The following RBM6 variants were observed in gnomAD, a reference collection of about 807,000 sequenced individuals.
RBM6 encodes the protein RNA-binding protein 6.
RBM6 carries 23 observed loss-of-function variants against 140.4 expected under a neutral mutation model. That is an observed-to-expected ratio of 0.16 (90% CI 0.12 to 0.23). RBM6 has a LOEUF of 0.23. Ranked by LOEUF, RBM6 falls within the 10% of genes least tolerant of loss-of-function variation. The pLI, the probability that RBM6 is intolerant of heterozygous loss-of-function variation, is 1.00. For synonymous variants in RBM6, 439 were observed against 475.6 expected (o/e 0.92, Z 1.00); for missense variants, 1,139 against 1,386.7 (o/e 0.82, Z 2.84).
At chr3:49,960,340 A>G (rs2084227701) in intron 1 of RBM6, among the ~76,000 whole-genome samples, 1 of 152,124 alleles carries the variant, frequency 6.6e-6, no homozygotes, top group Non-Finnish European at 1.5e-5. Flanking sequence ...TTCATTGGAT[A>G]TTTGCTTGTA....
chr3:50,003,583 T>C (rs2086442880), intron 6 of RBM6, among the ~76,000 whole-genome samples: 1 of 152,220 alleles, frequency 6.6e-6, no homozygotes, highest in African/African-American at 2.4e-5. Flanking sequence ...TTCTGCTAGC[T>C]TGCTTTGTCA....
intron 6 of RBM6, among the ~76,000 whole-genome samples, chr3:50,032,597 T>A (rs1361647572): frequency 6.6e-6 from 1 of 152,102 alleles, no homozygotes; most frequent in Non-Finnish European, 1.5e-5. Context: ...TCTTTCCGGT[T>A]ACAGAACTCG....
In RBM6 at chr3:49,982,262, C is replaced by CTTTTTTTTT. The variant is rs751604271; in HGVS notation, c.1483+6890_1483+6898dup. Among the ~76,000 whole-genome samples, 207 of 68,384 alleles carry CTTTTTTTTT rather than the reference C, an allele frequency of 3.0e-3. 7 individuals carry two copies. The highest frequency in any genetic ancestry group is 7.5e-3 in the African/African-American group (125 of 16,762). The allele number at this position is 68,384 out of a possible 152,430, so 44.9% of individuals were successfully genotyped here. Reference sequence around the variant, plus strand: ...GTACCTTCTGCATTTCTTTTCTTTTCTTTTTTTTTTTTTTTTTTTTTTTTT... The same window carrying CTTTTTTTTT: ...GTACCTTCTGCATTTCTTTTCTTTTCTTTTTTTTTTTTTTTTTTTTTTTTTTTTTTTTTT... On this transcript the variant is annotated intron_variant, in intron 5 of 20. Transcript: ENST00000266022.
At chr3:50,051,670 A>C (rs2089473822) in intron 7 of RBM6, among the ~76,000 whole-genome samples, 1 of 152,226 alleles carries the variant, frequency 6.6e-6, no homozygotes, top group African/African-American at 2.4e-5. Context: ...TTTTAAGTTT[A>C]TTATGTACCT....
At chr3:50,040,486 A>C (rs2088839399) in intron 6 of RBM6, among the ~76,000 whole-genome samples, 1 of 122,742 alleles carries the variant, frequency 8.1e-6, no homozygotes, top group Admixed American at 8.2e-5. Flanking sequence ...ATATATATAT[A>C]TATATATACA....
At chr3:50,073,794 C>A (rs2108958236) in intron 19 of RBM6, among the ~76,000 whole-genome samples, 1 of 151,798 alleles carries the variant, frequency 6.6e-6, no homozygotes, top group East Asian at 1.9e-4. Flanking sequence ...GGTTCAGAGA[C>A]ATGATTTAGC....
intron 6 of RBM6, among the ~76,000 whole-genome samples, chr3:50,030,286 TAAAAAAAA>T (rs57797585): frequency 3.9e-5 from 4 of 103,866 alleles, no homozygotes; most frequent in Admixed American, 1.1e-4. Context: ...CTTTTTGTCT[TAAAAAAAA>T]AAAAAAAAAA....
chr3:50,054,266 C>G, intron 7 of RBM6, 69 bp from the exon 8 acceptor site: 1 of 1,304,094 alleles, frequency 7.7e-7, no homozygotes, highest in Non-Finnish European at 1.1e-6. Context: ...TGGGGGGTTT[C>G]ACTTTGTTAG....
intron 3 of RBM6, among the ~76,000 whole-genome samples, chr3:49,969,701 G>A (rs911929922): frequency 3.3e-5 from 5 of 151,210 alleles, no homozygotes; most frequent in Non-Finnish European, 1.5e-5. Flanking sequence ...AGGCTCAAGC[G>A]ATCCTCCCAC....
At chr3:50,058,032 A>T (rs775912459) in intron 9 of RBM6, 29 bp downstream of exon 9, 67 of 1,604,230 alleles carry the variant, frequency 4.2e-5, no homozygotes, top group Non-Finnish European at 5.7e-5. Context: ...CACATACCAG[A>T]CTGTGATCAT....
chr3:49,994,920 A>G (rs930534793), intron 5 of RBM6, among the ~76,000 whole-genome samples: 17 of 152,184 alleles, frequency 1.1e-4, no homozygotes, highest in Non-Finnish European at 5.9e-5. Context: ...AACAGTTTGA[A>G]GATCCATCTC....
intron 6 of RBM6, among the ~76,000 whole-genome samples, chr3:50,040,660 CTT>C (rs746163790): frequency 1.2e-4 from 16 of 135,692 alleles, no homozygotes; most frequent in African/African-American, 8.1e-5. Context: ...GAGCAGAATT[CTT>C]TTTTTTTTTT....
chr3:49,943,314 T>TA (rs1266773520), intron 1 of RBM6, among the ~76,000 whole-genome samples: 14 of 151,910 alleles, frequency 9.2e-5, no homozygotes, highest in African/African-American at 3.4e-4. Context: ...TTTATTTATT[T>TA]TTTTTTGAGA....
chr3:50,057,613 A>T, intron 8 of RBM6, 115 bp from the exon 9 acceptor site: 2 of 584,946 alleles, frequency 3.4e-6, no homozygotes, highest in Admixed American at 3.5e-5. Flanking sequence ...AAAAAAAGGC[A>T]TTCCAGTATG....
intron 6 of RBM6, among the ~76,000 whole-genome samples, chr3:50,026,127 C>T (rs1248431978): frequency 6.6e-6 from 1 of 151,934 alleles, no homozygotes; most frequent in African/African-American, 2.4e-5. Flanking sequence ...CGCCGTCTTC[C>T]AGGCTGGAGT....
At chr3:49,963,654 AT>A (rs2084382060) in intron 2 of RBM6, among the ~76,000 whole-genome samples, 1 of 152,188 alleles carries the variant, frequency 6.6e-6, no homozygotes, top group Non-Finnish European at 1.5e-5. Context: ...AAGTGGTAGC[AT>A]TTAGTTGTAA....
At chr3:49,958,921 G>C (rs2084145702) in intron 1 of RBM6, among the ~76,000 whole-genome samples, 1 of 151,314 alleles carries the variant, frequency 6.6e-6, no homozygotes, top group South Asian at 2.1e-4. Context: ...TCAGCCTCCT[G>C]ACTAGCTGGG....
chr3:50,037,588 A>G (rs1045775766), intron 6 of RBM6, among the ~76,000 whole-genome samples: 1 of 152,192 alleles, frequency 6.6e-6, no homozygotes, highest in African/African-American at 2.4e-5. Flanking sequence ...AGGAAGCTCA[A>G]GTACTTGGGT....
At chr3:50,004,795 TAAC>T (rs1193783623) in intron 6 of RBM6, among the ~76,000 whole-genome samples, 2 of 152,118 alleles carry the variant, frequency 1.3e-5, no homozygotes, top group African/African-American at 4.8e-5. Context: ...ATTAAAAAAA[TAAC>T]AAACTCTGTT....
Sources: gnomAD v4.1 joint callset for allele counts (sites outside exome capture counted in the v4.1 genomes callset) on GRCh38, gnomAD v4.1.1 for gene constraint, MANE v1.5 for transcripts, NCBI Gene and HGNC (gene_info 2026-07-23, HGNC 2026-07-21) for gene names.